The following MYO5A variants were observed in gnomAD, a reference collection of about 807,000 sequenced individuals.
The protein encoded by MYO5A is unconventional myosin-Va.
MYO5A carries 98 observed loss-of-function variants against 249.7 expected under a neutral mutation model. The ratio of observed to expected loss-of-function variants is 0.39; its 90% CI spans 0.33 to 0.46. MYO5A has a LOEUF of 0.46. MYO5A is among the 20% of genes least tolerant of loss of function. The pLI, the probability that MYO5A is intolerant of heterozygous loss-of-function variation, is 0.98. For missense variants in MYO5A, 1,696 were observed against 2,308.8 expected (o/e 0.73, Z 5.44); for synonymous variants, 778 against 810.6 (o/e 0.96, Z 0.68).
chr15:52,452,863 T>C (rs1488679659), intron 1 of MYO5A, among the ~76,000 whole-genome samples: 2 of 138,376 alleles, frequency 1.4e-5, no homozygotes, highest in African/African-American at 2.6e-5. Context: ...AAAAAAAAAA[T>C]AGCCATAGGA....
intron 14 of MYO5A, among the ~76,000 whole-genome samples, chr15:52,384,681 C>G (rs2041902698): frequency 6.6e-6 from 1 of 152,120 alleles, no homozygotes; most frequent in Non-Finnish European, 1.5e-5. Flanking sequence ...GTCTTATTAC[C>G]TCAGTTCCAC....
intron 28 of MYO5A, among the ~76,000 whole-genome samples, chr15:52,349,120 G>C (rs538742065): frequency 1.3e-5 from 2 of 152,296 alleles, no homozygotes; most frequent in Non-Finnish European, 2.9e-5. Flanking sequence ...TTGAGTATGT[G>C]AGAGAATGAC....
rs914022250 is a variant in MYO5A at position 52,348,836 on chromosome 15, A to C, written c.3850-10T>G. ...TAATTACCTTGTCATCCTGAGAATCACAAGTCAGCAAGCACAAAAAACAGA... is the reference window on the plus strand; with the variant it reads ...TAATTACCTTGTCATCCTGAGAATCCCAAGTCAGCAAGCACAAAAAACAGA... On this transcript the variant is annotated splice_polypyrimidine_tract_variant and intron_variant, in intron 28 of 41. Transcript: ENST00000399233. 6.2e-7 allele frequency: 1 copy of C among 1,602,088 alleles called. No homozygotes were observed. The highest frequency in any genetic ancestry group is 8.5e-7 in the Non-Finnish European group (1 of 1,174,046).
intron 1 of MYO5A, among the ~76,000 whole-genome samples, chr15:52,495,331 G>A (rs1434946601): frequency 6.6e-6 from 1 of 152,154 alleles, no homozygotes; most frequent in Non-Finnish European, 1.5e-5. Context: ...TCACTTATAT[G>A]TGGATTGTAA....
intron 34 of MYO5A, among the ~76,000 whole-genome samples, chr15:52,333,255 CTA>C (rs1184824103): frequency 1.3e-5 from 2 of 152,282 alleles, no homozygotes; most frequent in African/African-American, 4.8e-5. Flanking sequence ...AAAAAAGACT[CTA>C]GTTTCATTTT....
At chr15:52,478,865 A>T (rs903182975) in intron 1 of MYO5A, among the ~76,000 whole-genome samples, 1 of 152,202 alleles carries the variant, frequency 6.6e-6, no homozygotes, top group Non-Finnish European at 1.5e-5. Context: ...CTACAGAATT[A>T]CTACAGTAAA....
chr15:52,456,390 C>T lies in MYO5A; in HGVS notation c.28-23105G>A, dbSNP rs536354330. Among the ~76,000 whole-genome samples the T allele has an allele frequency of 3.2e-4, 49 of 152,084 alleles. 2 individuals are homozygous for T. In the South Asian group the frequency reaches 9.4e-3, roughly 29 times the overall value. ...AATTTTGTTAAAATGCCAGTATCAC[C>T]CAAAGCAATTTACAGATTCAATGCA... On this transcript the variant is annotated intron_variant, in intron 1 of 41. Coordinates refer to ENST00000399233, the MANE Select transcript of MYO5A (RefSeq NM_001382347.1).
intron 29 of MYO5A, among the ~76,000 whole-genome samples, chr15:52,347,862 C>G (rs1394879232): frequency 6.6e-6 from 1 of 151,874 alleles, no homozygotes. Context: ...TCTTTTTTCT[C>G]TTTCTCTGAA....
intron 1 of MYO5A, among the ~76,000 whole-genome samples, chr15:52,498,524 A>C (rs2141571047): frequency 6.6e-6 from 1 of 152,320 alleles, no homozygotes; most frequent in South Asian, 2.1e-4. Context: ...GTTAAAAAAA[A>C]ACCTCTTCAT....
At chr15:52,467,047 C>T (rs2076367900) in intron 1 of MYO5A, among the ~76,000 whole-genome samples, 1 of 152,174 alleles carries the variant, frequency 6.6e-6, no homozygotes, top group Non-Finnish European at 1.5e-5. Context: ...TTCATGCAGA[C>T]AAATGGCCCT....
intron 36 of MYO5A, among the ~76,000 whole-genome samples, chr15:52,325,340 G>A (rs980565896): frequency 6.6e-6 from 1 of 151,804 alleles, no homozygotes; most frequent in African/African-American, 2.4e-5. Context: ...CTAAGGAGAA[G>A]ACTTCATTCT....
At chr15:52,456,539 A>G (rs2076123352) in intron 1 of MYO5A, among the ~76,000 whole-genome samples, 1 of 152,184 alleles carries the variant, frequency 6.6e-6, no homozygotes, top group Non-Finnish European at 1.5e-5. Flanking sequence ...ACAAAGCTGG[A>G]GGCATGACAC....
Position 52,372,340 on chromosome 15 carries a change from G to T in MYO5A, c.2601C>A (p.Val867=). The T allele has an allele frequency of 1.2e-6, 2 of 1,603,754 alleles. No individual in the cohort carries two copies. The highest frequency in any genetic ancestry group is 2.2e-5 in the South Asian group (2 of 91,036). ...AGCCCCGGACTCGCTTCTGAATGATGACTGCTTTGTGCTCACGGAGTATCT... is the reference window on the plus strand; with the variant it reads ...AGCCCCGGACTCGCTTCTGAATGATTACTGCTTTGTGCTCACGGAGTATCT... ...YRKILREHKA[V]IIQKRVRGWL... The change falls in exon 21 of 42, where the codon GTC becomes GTA. Residue 867 remains valine, a synonymous_variant. Coordinates refer to ENST00000399233, the MANE Select transcript of MYO5A (RefSeq NM_001382347.1).
intron 4 of MYO5A, among the ~76,000 whole-genome samples, chr15:52,423,328 G>A (rs777651920): frequency 6.6e-6 from 1 of 152,014 alleles, no homozygotes; most frequent in Non-Finnish European, 1.5e-5. Flanking sequence ...CGAGGTGGGC[G>A]GATCACGAGG....
chr15:52,340,818 C>A (rs1183451536), intron 31 of MYO5A, among the ~76,000 whole-genome samples: 1 of 152,038 alleles, frequency 6.6e-6, no homozygotes, highest in Non-Finnish European at 1.5e-5. Flanking sequence ...CGTGTTGGGG[C>A]ATGCCTTTTG....
intron 1 of MYO5A, among the ~76,000 whole-genome samples, chr15:52,477,143 G>T (rs555653752): frequency 6.2e-4 from 95 of 152,148 alleles, no homozygotes; most frequent in African/African-American, 2.1e-3. Context: ...TCATTCATTT[G>T]ATCTTCAATC....
In MYO5A at chr15:52,425,994, C is replaced by G. The variant is rs770353798; in HGVS notation, c.311-20G>C. 6 of 1,608,012 alleles carry G rather than the reference C, an allele frequency of 3.7e-6. No homozygotes were observed. The highest frequency in any genetic ancestry group is 2.7e-5 in the African/African-American group (2 of 74,628). ...CTATACCTGGGAATAGGGTAGGGGA[C>G]AAGAAAGAAAAAGAAGTCAATGATA... On this transcript the variant is annotated intron_variant, in intron 3 of 41. Transcript: ENST00000399233.
chr15:52,404,437 T>C (rs1384479751), intron 9 of MYO5A, among the ~76,000 whole-genome samples: 1 of 152,144 alleles, frequency 6.6e-6, no homozygotes, highest in Non-Finnish European at 1.5e-5. Flanking sequence ...AATCTGTTTT[T>C]ACACAAGAGG....
At chr15:52,318,254 G>C (rs2038120951) in intron 39 of MYO5A, among the ~76,000 whole-genome samples, 2 of 151,758 alleles carry the variant, frequency 1.3e-5, no homozygotes, top group Admixed American at 6.6e-5. Flanking sequence ...TCAGGAGTTT[G>C]AGACCATCCT....
Sources: allele counts gnomAD v4.1 joint callset (sites outside exome capture counted in the v4.1 genomes callset), GRCh38; gene constraint gnomAD v4.1.1; transcripts MANE v1.5; gene names NCBI Gene and HGNC (gene_info 2026-07-23, HGNC 2026-07-21).